The following LRRC37A2 variants were observed in gnomAD, a reference collection of about 807,000 sequenced individuals.
LRRC37A2 encodes the protein leucine-rich repeat-containing protein 37A2.
A neutral mutation model predicts 68.8 loss-of-function variants in LRRC37A2; 9 were observed. The ratio of observed to expected loss-of-function variants is 0.13; its 90% CI spans 0.08 to 0.23. LRRC37A2 has a LOEUF of 0.23. Ranked by LOEUF, LRRC37A2 falls within the 10% of genes least tolerant of loss-of-function variation. LRRC37A2 has a pLI of 1.00. For synonymous variants in LRRC37A2, 63 were observed against 367.6 expected (o/e 0.17, Z 9.48); for missense variants, 168 against 950.4 (o/e 0.18, Z 10.82).
chr17:46,526,523 G>T (rs1383470501), intron 6 of LRRC37A2, among the ~76,000 whole-genome samples: 1 of 104,710 alleles, frequency 9.6e-6, no homozygotes, highest in Non-Finnish European at 2.1e-5. Flanking sequence ...TTTTTTTAAT[G>T]TTTTTACTAG....
the LRRC37A2 span, among the ~76,000 whole-genome samples, chr17:47,003,839 T>G: frequency 6.6e-5 from 10 of 152,182 alleles, no homozygotes; most frequent in Non-Finnish European, 1.3e-4. Context: ...TCATTTACAT[T>G]AGGTATACTG....
the LRRC37A2 span, chr17:46,755,648 T>C: frequency 2.5e-6 from 2 of 809,550 alleles, no homozygotes; most frequent in Admixed American, 2.9e-5. Context: ...GTGACCATTT[T>C]CTTTTGTGAA....
At chr17:47,004,404 C>T in the LRRC37A2 span, among the ~76,000 whole-genome samples, 19 of 152,356 alleles carry the variant, frequency 1.2e-4, no homozygotes, top group African/African-American at 4.1e-4. Context: ...CCTGGCACTT[C>T]CCACAGCACA....
the LRRC37A2 span, among the ~76,000 whole-genome samples, chr17:46,406,064 A>G: frequency 2.7e-5 from 2 of 75,184 alleles, no homozygotes; most frequent in African/African-American, 1.1e-4. Flanking sequence ...TCTTTATAAT[A>G]TGCATAACAT....
chr17:46,902,461 C>CGTGTGT, the LRRC37A2 span, among the ~76,000 whole-genome samples: 6,267 of 148,054 alleles, frequency 0.042, 126 homozygotes, highest in Middle Eastern at 0.08. Flanking sequence ...GGGAACAGTG[C>CGTGTGT]GTGTGTGTGT....
chr17:46,806,836 C>T, the LRRC37A2 span, among the ~76,000 whole-genome samples: 20 of 152,260 alleles, frequency 1.3e-4, no homozygotes, highest in African/African-American at 4.1e-4. Flanking sequence ...CTCCCCTCTG[C>T]TCCTCCTTGG....
the LRRC37A2 span, among the ~76,000 whole-genome samples, chr17:46,804,003 G>A: frequency 6.6e-6 from 1 of 152,002 alleles, no homozygotes; most frequent in Non-Finnish European, 1.5e-5. Context: ...GGAAACTCAG[G>A]GCAAGCTCCA....
At chr17:46,953,354 A>G in the LRRC37A2 span, among the ~76,000 whole-genome samples, 1 of 152,178 alleles carries the variant, frequency 6.6e-6, no homozygotes, top group South Asian at 2.1e-4. Context: ...AGCTTCATCC[A>G]TGTCCCTACA....
At chr17:47,039,007 T>C in the LRRC37A2 span, among the ~76,000 whole-genome samples, 1 of 149,318 alleles carries the variant, frequency 6.7e-6, no homozygotes. Context: ...GCTTTTTATT[T>C]CTTTGTGCAG....
chr17:46,499,324 A>T, the LRRC37A2 span, among the ~76,000 whole-genome samples: 1 of 130,564 alleles, frequency 7.7e-6, no homozygotes, highest in Non-Finnish European at 1.6e-5. Flanking sequence ...AAAAAAAAAA[A>T]AAAAAAAAAA....
the LRRC37A2 span, chr17:46,931,417 T>A: frequency 2.4e-5 from 14 of 594,748 alleles, no homozygotes; most frequent in Non-Finnish European, 4.2e-5. Context: ...CTCAGAAACC[T>A]TGTGACCCCT....
chr17:46,936,057 C>T, the LRRC37A2 span: 21 of 985,726 alleles, frequency 2.1e-5, no homozygotes, highest in South Asian at 4.7e-5. Context: ...GCCATCTCTA[C>T]GGGGGAGAGG....
chr17:46,929,833 G>A, the LRRC37A2 span: 17 of 494,760 alleles, frequency 3.4e-5, no homozygotes, highest in African/African-American at 2.7e-4. Flanking sequence ...GAATGGAAGC[G>A]CTTGCCTCCA....
chr17:46,821,745 G>A, the LRRC37A2 span, among the ~76,000 whole-genome samples: 1 of 152,198 alleles, frequency 6.6e-6, no homozygotes, highest in Non-Finnish European at 1.5e-5. Flanking sequence ...CTGGGAAGGG[G>A]ACCCCAGTCC....
At chr17:46,955,714 TCTTAACTC>T in the LRRC37A2 span, 1 of 152,302 alleles carries the variant, frequency 6.6e-6, no homozygotes, top group Non-Finnish European at 1.5e-5. Flanking sequence ...CCAAACCAGG[TCTTAACTC>T]CATCATCCTA....
chr17:46,580,164 T>TA, the LRRC37A2 span, among the ~76,000 whole-genome samples: 1 of 145,564 alleles, frequency 6.9e-6, no homozygotes, highest in South Asian at 2.3e-4. Context: ...AAATTAGGCA[T>TA]AAGGAAGTTT....
the LRRC37A2 span, among the ~76,000 whole-genome samples, chr17:46,912,286 T>C: frequency 2.0e-5 from 3 of 152,170 alleles, no homozygotes; most frequent in Non-Finnish European, 2.9e-5. Context: ...TGGGAATCAT[T>C]TAGCAAGAGA....
At chr17:46,949,511 C>T in the LRRC37A2 span, among the ~76,000 whole-genome samples, 1 of 152,164 alleles carries the variant, frequency 6.6e-6, no homozygotes, top group East Asian at 1.9e-4. Context: ...ATGTGGGTCA[C>T]ATTCTAAGAA....
At chr17:46,715,961 T>C in the LRRC37A2 span, among the ~76,000 whole-genome samples, 9 of 152,322 alleles carry the variant, frequency 5.9e-5, no homozygotes, top group Middle Eastern at 3.4e-3. Context: ...TTCAGCAGTA[T>C]AACAAATTTA....
Sources: gnomAD v4.1 joint callset for allele counts (sites outside exome capture counted in the v4.1 genomes callset) on GRCh38, gnomAD v4.1.1 for gene constraint, MANE v1.5 for transcripts, NCBI Gene and HGNC (gene_info 2026-07-23, HGNC 2026-07-21) for gene names.